DPYD: variants seen among roughly 807,000 people sequenced by gnomAD.
DPYD encodes dihydropyrimidine dehydrogenase.
A neutral mutation model predicts 116.2 loss-of-function variants in DPYD; 109 were observed. That is an observed-to-expected ratio of 0.94 (90% CI 0.80 to 1.10). DPYD has a LOEUF of 1.10. Among genes scored for constraint, DPYD ranks in the 50% least tolerant of loss-of-function variants. DPYD has a pLI of 0.00. For missense variants in DPYD, 1,302 were observed against 1,254.5 expected, an observed-to-expected ratio of 1.04 and a Z score of -0.57; for synonymous variants, 440 against 432.0, an observed-to-expected ratio of 1.02 and a Z score of -0.23.
chr1:97,807,007 C>T (rs746967582), intron 3 of DPYD, among the ~76,000 whole-genome samples: 37 of 151,962 alleles, frequency 2.4e-4, no homozygotes, highest in Non-Finnish European at 5.0e-4. Flanking sequence ...TTATTTTTAA[C>T]TCTAAATAAT....
intron 3 of DPYD, among the ~76,000 whole-genome samples, chr1:97,785,936 G>A (rs1465643649): frequency 8.6e-5 from 13 of 150,350 alleles, no homozygotes; most frequent in Admixed American, 4.0e-4. Flanking sequence ...CTCATGATCC[G>A]CCTGCCTCGG....
chr1:97,310,444 T>TA (rs1056224057), intron 16 of DPYD, among the ~76,000 whole-genome samples: 6 of 151,952 alleles, frequency 3.9e-5, no homozygotes, highest in Admixed American at 2.6e-4. Flanking sequence ...CTACTTCACT[T>TA]ATTCCTGTAA....
chr1:97,398,382 T>A (rs1673139082), intron 14 of DPYD, among the ~76,000 whole-genome samples: 1 of 152,202 alleles, frequency 6.6e-6, no homozygotes, highest in South Asian at 2.1e-4. Flanking sequence ...GTCTTTGCTA[T>A]TGTGAATAGT....
chr1:97,525,555 T>C (rs942630665), intron 12 of DPYD, among the ~76,000 whole-genome samples: 9 of 152,150 alleles, frequency 5.9e-5, no homozygotes, highest in African/African-American at 2.2e-4. Context: ...CCTTGGGTAC[T>C]TAGTGTCTTT....
Position 97,156,859 on chromosome 1 carries a change from A to G in DPYD, c.2622+36210T>C, listed in dbSNP as rs948350578. On this transcript the variant is annotated intron_variant, in intron 20 of 22. Transcript: ENST00000370192. Reference sequence around the variant, plus strand: ...TCTATTCACAATAGCAAAGACTTGGAACCAACCCAAATGTCCAACAATGAT... The same window carrying G: ...TCTATTCACAATAGCAAAGACTTGGGACCAACCCAAATGTCCAACAATGAT... Among the ~76,000 whole-genome samples the G allele has an allele frequency of 1.3e-3, 197 of 152,182 alleles. 1 individual carries two copies. Among genetic ancestry groups the G allele is most frequent in the African/African-American group, 4.4e-3 (184 of 41,500 alleles).
intron 16 of DPYD, among the ~76,000 whole-genome samples, chr1:97,330,250 A>T (rs1247786043): frequency 2.0e-5 from 3 of 152,180 alleles, no homozygotes; most frequent in Non-Finnish European, 4.4e-5. Flanking sequence ...TTGAAAATTG[A>T]AAAGATGATA....
chr1:97,731,368 G>A (rs1157613141), intron 4 of DPYD, among the ~76,000 whole-genome samples: 1 of 151,782 alleles, frequency 6.6e-6, no homozygotes, highest in Non-Finnish European at 1.5e-5. Flanking sequence ...AATTAGTATC[G>A]ATTCTAATAA....
At chr1:97,263,001 T>C (rs573087898) in intron 18 of DPYD, among the ~76,000 whole-genome samples, 1 of 152,230 alleles carries the variant, frequency 6.6e-6, no homozygotes, top group Non-Finnish European at 1.5e-5. Flanking sequence ...TGTTGGGTTA[T>C]AGTGTCAATG....
In DPYD at chr1:97,549,754, C is replaced by T; in HGVS notation, c.1340-10G>A. ...CTCAAGGCTTCTTTTACTGAAAAAA[C>T]AAGTGAAAAACAATAGACAATCACT... On this transcript the variant is annotated splice_polypyrimidine_tract_variant and intron_variant, in intron 11 of 22. Coordinates refer to ENST00000370192, the MANE Select transcript of DPYD (RefSeq NM_000110.4). The T allele has an allele frequency of 1.2e-6, 2 of 1,612,068 alleles. No homozygotes were observed. Among genetic ancestry groups the T allele is most frequent in the Non-Finnish European group, 1.7e-6 (2 of 1,178,704 alleles).
At chr1:97,633,429 C>T (rs776169308) in intron 8 of DPYD, among the ~76,000 whole-genome samples, 4 of 152,058 alleles carry the variant, frequency 2.6e-5, no homozygotes, top group Admixed American at 2.0e-4. Flanking sequence ...TGCCAACACA[C>T]TGACTGCAAT....
chr1:97,707,203 A>G (rs1662015997), intron 5 of DPYD, among the ~76,000 whole-genome samples: 1 of 152,062 alleles, frequency 6.6e-6, no homozygotes, highest in Non-Finnish European at 1.5e-5. Flanking sequence ...TCCCTTAAAA[A>G]CAACCCCAGG....
intron 11 of DPYD, among the ~76,000 whole-genome samples, chr1:97,555,009 T>C (rs553722838): frequency 3.0e-4 from 45 of 152,150 alleles, no homozygotes; most frequent in Non-Finnish European, 5.6e-4. Context: ...TTACCCAATT[T>C]CTCGGTCATA....
chr1:97,280,637 C>G (rs1665261285), intron 18 of DPYD, among the ~76,000 whole-genome samples: 3 of 151,644 alleles, frequency 2.0e-5, no homozygotes, highest in African/African-American at 7.3e-5. Context: ...ATAAGCCAGG[C>G]AGAGTAAGAC....
chr1:97,200,008 TA>T (rs1388130931), intron 19 of DPYD, among the ~76,000 whole-genome samples: 8 of 152,208 alleles, frequency 5.3e-5, no homozygotes, highest in Non-Finnish European at 1.0e-4. Flanking sequence ...AAATAAAATC[TA>T]AATTAGATTA....
At chr1:97,582,232 T>G (rs1299875315) in intron 10 of DPYD, among the ~76,000 whole-genome samples, 1 of 152,234 alleles carries the variant, frequency 6.6e-6, no homozygotes, top group African/African-American at 2.4e-5. Flanking sequence ...GACCACATGT[T>G]AATCTGGTTT....
chr1:97,499,142 T>C (rs529808653), intron 13 of DPYD, among the ~76,000 whole-genome samples: 6 of 151,750 alleles, frequency 4.0e-5, no homozygotes, highest in Admixed American at 3.9e-4. Context: ...AGGAGATATA[T>C]CTTTAAATAA....
At chr1:97,079,231 T>G (rs1388160971) in intron 22 of DPYD, 85 bp from the exon 23 acceptor site, 6 of 1,441,634 alleles carry the variant, frequency 4.2e-6, no homozygotes, top group African/African-American at 1.4e-5. Flanking sequence ...TTTTCTCTGC[T>G]GCAGAGGAGC....
chr1:97,536,486 GAGA>G (rs1483539503), intron 12 of DPYD, among the ~76,000 whole-genome samples: 2 of 152,288 alleles, frequency 1.3e-5, no homozygotes, highest in East Asian at 1.9e-4. Flanking sequence ...GAAAGGTTTA[GAGA>G]AGAAGAAGTC....
At chr1:97,168,072 AT>A (rs1406430873) in intron 20 of DPYD, among the ~76,000 whole-genome samples, 4 of 152,218 alleles carry the variant, frequency 2.6e-5, no homozygotes, top group African/African-American at 4.8e-5. Flanking sequence ...TATTCCAGTC[AT>A]ATATTCACAG....
Sources: gnomAD v4.1 joint callset for allele counts (sites outside exome capture counted in the v4.1 genomes callset) on GRCh38, gnomAD v4.1.1 for gene constraint, MANE v1.5 for transcripts, NCBI Gene and HGNC (gene_info 2026-07-23, HGNC 2026-07-21) for gene names.